The following GPC6 variants were observed in gnomAD, a reference collection of about 807,000 sequenced individuals.
GPC6 encodes the protein glypican 6, also known as glypican-6.
GPC6 carries 14 observed loss-of-function variants against 55.2 expected under a neutral mutation model. The ratio of observed to expected loss-of-function variants is 0.25; its 90% CI spans 0.17 to 0.40. The LOEUF (loss-of-function observed/expected upper bound fraction) is 0.40. GPC6 is among the 10% of genes least tolerant of loss of function. The pLI is 1.00. For synonymous variants in GPC6, 278 were observed against 259.6 expected (o/e 1.07, Z -0.68); for missense variants, 641 against 708.5 (o/e 0.90, Z 1.08).
At chr13:93,605,591 C>T (rs2054449813) in intron 2 of GPC6, among the ~76,000 whole-genome samples, 2 of 151,572 alleles carry the variant, frequency 1.3e-5, no homozygotes, top group African/African-American at 4.9e-5. Flanking sequence ...AATCCCAGCA[C>T]TTTGGGACGC....
chr13:93,345,757 A>T (rs1880405726), intron 1 of GPC6, among the ~76,000 whole-genome samples: 1 of 152,174 alleles, frequency 6.6e-6, no homozygotes, highest in African/African-American at 2.4e-5. Flanking sequence ...TTTAAAGATG[A>T]TGTTTATGAT....
At chr13:93,809,394 G>C (rs578161573) in intron 2 of GPC6, among the ~76,000 whole-genome samples, 1 of 152,166 alleles carries the variant, frequency 6.6e-6, no homozygotes, top group Non-Finnish European at 1.5e-5. Flanking sequence ...AAAGGCTCTT[G>C]TTTCAGATCT....
intron 1 of GPC6, among the ~76,000 whole-genome samples, chr13:93,305,085 A>G (rs956330661): frequency 2.6e-5 from 4 of 152,138 alleles, no homozygotes; most frequent in Admixed American, 1.3e-4. Context: ...GCTAATTTAC[A>G]TTTGAGTTCC....
At chr13:93,324,826 T>C (rs1471299069) in intron 1 of GPC6, among the ~76,000 whole-genome samples, 3 of 151,896 alleles carry the variant, frequency 2.0e-5, no homozygotes, top group African/African-American at 7.3e-5. Flanking sequence ...GTTAAGAGAT[T>C]TCAGCTTTGG....
chr13:94,083,087 G>T (rs375588601), intron 4 of GPC6, among the ~76,000 whole-genome samples: 2 of 152,240 alleles, frequency 1.3e-5, no homozygotes, highest in South Asian at 2.1e-4. Context: ...CTATCACTCT[G>T]CACCTTTATC....
At chr13:94,363,737 A>G (rs958243262) in intron 6 of GPC6, among the ~76,000 whole-genome samples, 2 of 152,204 alleles carry the variant, frequency 1.3e-5, no homozygotes, top group Non-Finnish European at 2.9e-5. Context: ...TGCTGTAGAC[A>G]GAACTGAGAT....
intron 6 of GPC6, among the ~76,000 whole-genome samples, chr13:94,373,973 AAG>A (rs1194860368): frequency 1.3e-5 from 2 of 152,162 alleles, no homozygotes; most frequent in African/African-American, 4.8e-5. Context: ...TAAGCTTCAT[AAG>A]TGAAGGAGAA....
chr13:94,132,770 A>C (rs192652856), intron 4 of GPC6, among the ~76,000 whole-genome samples: 2 of 152,278 alleles, frequency 1.3e-5, no homozygotes, highest in Admixed American at 6.5e-5. Context: ...AGATTAGATC[A>C]CGGTCACGGA....
At chr13:93,226,051 A>T (rs901315476), upstream of GPC6, among the ~76,000 whole-genome samples, 2 of 152,180 alleles carry the variant, frequency 1.3e-5, no homozygotes, top group Non-Finnish European at 2.9e-5. Flanking sequence ...ACAGAACATC[A>T]GTGTAAATGG....
intron 3 of GPC6, among the ~76,000 whole-genome samples, chr13:93,896,889 G>A (rs1363415798): frequency 5.9e-5 from 9 of 151,456 alleles, no homozygotes; most frequent in African/African-American, 1.2e-4. Flanking sequence ...ACCTGTGGGC[G>A]TCTGCATCTA....
intron 6 of GPC6, among the ~76,000 whole-genome samples, chr13:94,339,316 C>T (rs1490772560): frequency 2.6e-5 from 4 of 152,050 alleles, no homozygotes; most frequent in African/African-American, 4.8e-5. Flanking sequence ...TGCCTGCCTC[C>T]GCCTCCCAAA....
At chr13:93,629,315 T>A (rs975596828) in intron 2 of GPC6, among the ~76,000 whole-genome samples, 15 of 152,264 alleles carry the variant, frequency 9.9e-5, no homozygotes, top group Admixed American at 7.9e-4. Flanking sequence ...TGTGGCCTGT[T>A]ATATCTAGTA....
chr13:93,783,400 TCCACAC>T (rs1885718377), intron 2 of GPC6, among the ~76,000 whole-genome samples: 1 of 18,944 alleles, frequency 5.3e-5, no homozygotes, highest in Admixed American at 7.6e-4. Flanking sequence ...CACCACACTG[TCCACAC>T]TGTCTTCTAC....
At chr13:94,224,836 G>A (rs1032159409) in intron 4 of GPC6, among the ~76,000 whole-genome samples, 10 of 152,060 alleles carry the variant, frequency 6.6e-5, no homozygotes, top group Non-Finnish European at 1.2e-4. Flanking sequence ...TTCTTGACTG[G>A]TCCACCTCTG....
chr13:93,595,780 G>A (rs1336659206), intron 2 of GPC6, among the ~76,000 whole-genome samples: 4 of 151,874 alleles, frequency 2.6e-5, no homozygotes, highest in African/African-American at 9.7e-5. Flanking sequence ...GTGTGATTTG[G>A]CATATTGCAG....
intron 1 of GPC6, among the ~76,000 whole-genome samples, chr13:93,309,248 T>A (rs6492658): frequency 0.63 from 95,783 of 151,964 alleles, 30,802 homozygotes; most frequent in East Asian, 0.77. Context: ...TTTTTAAGTA[T>A]AAAAGTCAAT....
At chr13:93,563,229 C>A (rs1340669490) in intron 2 of GPC6, among the ~76,000 whole-genome samples, 1 of 152,096 alleles carries the variant, frequency 6.6e-6, no homozygotes, top group Non-Finnish European at 1.5e-5. Flanking sequence ...AAATCTTAAG[C>A]TTGACCTGTT....
At chr13:93,225,514 T>G (rs507693), upstream of GPC6, among the ~76,000 whole-genome samples, 142,947 of 151,178 alleles carry the variant, frequency 0.95, 67,859 homozygotes, top group Non-Finnish European at 1. Flanking sequence ...TTTTGTTTTT[T>G]TTTTTTTTGG....
intron 4 of GPC6, among the ~76,000 whole-genome samples, chr13:94,237,425 A>C (rs924817729): frequency 1.3e-5 from 2 of 152,098 alleles, no homozygotes; most frequent in Admixed American, 6.6e-5. Flanking sequence ...AAAACAGCAG[A>C]TCTTAGACAA....
Sources: gnomAD v4.1 joint callset for allele counts (sites outside exome capture counted in the v4.1 genomes callset) on GRCh38, gnomAD v4.1.1 for gene constraint, MANE v1.5 for transcripts, NCBI Gene and HGNC (gene_info 2026-07-23, HGNC 2026-07-21) for gene names.